Variants in CAMK1D observed in about 807,000 individuals in gnomAD.
The protein encoded by CAMK1D is calcium/calmodulin-dependent protein kinase type 1D.
In CAMK1D, 9 loss-of-function variants were observed where a neutral mutation model predicts 47.7. That is an observed-to-expected ratio of 0.19 (90% CI 0.11 to 0.33). The LOEUF (loss-of-function observed/expected upper bound fraction) is 0.33, where lower values mean the gene tolerates loss of function less well. Among genes scored for constraint, CAMK1D ranks in the 10% least tolerant of loss-of-function variants. CAMK1D has a pLI of 1.00. For missense variants in CAMK1D, 291 were observed against 488.7 expected (o/e 0.60, Z 3.81); for synonymous variants, 184 against 184.9 (o/e 0.99, Z 0.04).
intron 3 of CAMK1D, among the ~76,000 whole-genome samples, chr10:12,743,819 T>A (rs1337240466): frequency 6.6e-6 from 1 of 152,164 alleles, no homozygotes; most frequent in African/African-American, 2.4e-5. Flanking sequence ...GGTCAGGAGT[T>A]CAAGACCAGA....
At chr10:12,811,478 A>G (rs2131070941) in intron 6 of CAMK1D, among the ~76,000 whole-genome samples, 1 of 152,318 alleles carries the variant, frequency 6.6e-6, no homozygotes, top group South Asian at 2.1e-4. Context: ...TTACTTTTAA[A>G]TCTTTTTTCT....
At chr10:12,787,368 G>A (rs1008305162) in intron 5 of CAMK1D, among the ~76,000 whole-genome samples, 2 of 152,216 alleles carry the variant, frequency 1.3e-5, no homozygotes, top group Admixed American at 1.3e-4. Flanking sequence ...ATGGTGGCCA[G>A]TATGTTCCTC....
chr10:12,679,036 C>A (rs1295060233), intron 3 of CAMK1D, among the ~76,000 whole-genome samples: 3 of 152,196 alleles, frequency 2.0e-5, no homozygotes. Flanking sequence ...GCTGGGATTA[C>A]AGATGTGAGC....
chr10:12,454,118 T>A (rs866098577), intron 1 of CAMK1D, among the ~76,000 whole-genome samples: 31 of 152,340 alleles, frequency 2.0e-4, no homozygotes, highest in Middle Eastern at 3.4e-3. Flanking sequence ...TTTCTTACTA[T>A]ATTATGTGGA....
intron 1 of CAMK1D, among the ~76,000 whole-genome samples, chr10:12,533,615 C>T (rs1835876090): frequency 6.6e-6 from 1 of 152,078 alleles, no homozygotes; most frequent in African/African-American, 2.4e-5. Context: ...CATGATCCAC[C>T]CTGCCTCCCT....
chr10:12,738,158 G>T (rs922988851), intron 3 of CAMK1D, among the ~76,000 whole-genome samples: 2 of 152,126 alleles, frequency 1.3e-5, no homozygotes, highest in African/African-American at 4.8e-5. Flanking sequence ...ATAATTAAAA[G>T]ATAAATGTCA....
intron 1 of CAMK1D, among the ~76,000 whole-genome samples, chr10:12,391,684 C>T (rs1366625955): frequency 2.0e-5 from 3 of 152,142 alleles, no homozygotes; most frequent in Admixed American, 6.6e-5. Flanking sequence ...AATGTCCTTA[C>T]AGTACCAGCA....
chr10:12,783,919 G>A (rs1478767740), intron 5 of CAMK1D, among the ~76,000 whole-genome samples: 5 of 152,028 alleles, frequency 3.3e-5, no homozygotes, highest in Non-Finnish European at 5.9e-5. Context: ...TGAGTTAATC[G>A]TGGTCTCTGA....
At chr10:12,541,612 G>GC (rs986803677) in intron 1 of CAMK1D, among the ~76,000 whole-genome samples, 3 of 152,006 alleles carry the variant, frequency 2.0e-5, no homozygotes, top group African/African-American at 7.2e-5. Flanking sequence ...ACCCGCCTTG[G>GC]CCCCCCAAAA....
intron 2 of CAMK1D, among the ~76,000 whole-genome samples, chr10:12,657,328 G>C (rs1257921508): frequency 2.0e-5 from 3 of 152,104 alleles, no homozygotes; most frequent in Admixed American, 1.3e-4. Flanking sequence ...GGGAGGCTGA[G>C]GCAGGAGAAT....
At chr10:12,672,460 C>A (rs1840655004) in intron 3 of CAMK1D, among the ~76,000 whole-genome samples, 1 of 152,012 alleles carries the variant, frequency 6.6e-6, no homozygotes, top group Admixed American at 6.5e-5. Flanking sequence ...CCTCTGCCTC[C>A]CGGGTTCAAG....
intron 8 of CAMK1D, among the ~76,000 whole-genome samples, chr10:12,816,617 T>C (rs531253990): frequency 6.6e-6 from 1 of 151,956 alleles, no homozygotes; most frequent in African/African-American, 2.4e-5. Context: ...ATGCCTGTAA[T>C]CCCAGCACTT....
chr10:12,665,624 C>T (rs1240287684), intron 2 of CAMK1D, among the ~76,000 whole-genome samples: 1 of 152,222 alleles, frequency 6.6e-6, no homozygotes, highest in African/African-American at 2.4e-5. Context: ...AGCTAATTAT[C>T]ACCTTGAGTA....
chr10:12,517,266 T>C (rs1165067032), intron 1 of CAMK1D, among the ~76,000 whole-genome samples: 1 of 152,234 alleles, frequency 6.6e-6, no homozygotes, highest in Admixed American at 6.5e-5. Context: ...TCTAGATGCT[T>C]TTTTTGGGTC....
At position 12,817,954 on chromosome 10, in the gene CAMK1D, G is replaced by A. The variant is rs150861440; in HGVS notation, c.833+1626G>A. Among the ~76,000 whole-genome samples, 1,008 of 152,292 alleles carry A rather than the reference G, an allele frequency of 6.6e-3. 6 individuals carry two copies. Among genetic ancestry groups the A allele is most frequent in the Non-Finnish European group, 0.011 (715 of 68,012 alleles). ...TCCACCTGTTTCGGCCTCCCAAAGT[G>A]CTGGGATTACAGGTGTGAGCCACCG... On this transcript the variant is annotated intron_variant, in intron 8 of 10. Transcript: ENST00000619168.
chr10:12,393,192 T>C (rs1170349004), intron 1 of CAMK1D, among the ~76,000 whole-genome samples: 2 of 151,952 alleles, frequency 1.3e-5, no homozygotes, highest in Non-Finnish European at 2.9e-5. Context: ...CCACCATGCC[T>C]GGCTAATTTT....
At chr10:12,815,984 A>C (rs571806929) in intron 7 of CAMK1D, among the ~76,000 whole-genome samples, 1 of 152,350 alleles carries the variant, frequency 6.6e-6, no homozygotes, top group South Asian at 2.1e-4. Context: ...CAAAGGTATC[A>C]CTAGCCACTA....
intron 1 of CAMK1D, among the ~76,000 whole-genome samples, chr10:12,524,135 T>C (rs11257856): frequency 0.28 from 42,847 of 150,550 alleles, 6,320 homozygotes; most frequent in East Asian, 0.38. Context: ...ATCGTAATTT[T>C]TTGTATTTTT....
intron 1 of CAMK1D, among the ~76,000 whole-genome samples, chr10:12,390,361 T>G (rs111469063): frequency 9.6e-4 from 147 of 152,336 alleles, no homozygotes; most frequent in African/African-American, 3.3e-3. Flanking sequence ...ACGAGCCACT[T>G]TGCTCAACCT....
Sources: gnomAD v4.1 joint callset for allele counts (sites outside exome capture counted in the v4.1 genomes callset) on GRCh38, gnomAD v4.1.1 for gene constraint, MANE v1.5 for transcripts, NCBI Gene and HGNC (gene_info 2026-07-23, HGNC 2026-07-21) for gene names.